KCTD8: variants seen among roughly 807,000 people sequenced by gnomAD.
KCTD8 encodes BTB/POZ domain-containing protein KCTD8.
Under a neutral mutation model 31.5 loss-of-function variants are expected in KCTD8, and 27 were observed. The ratio of observed to expected loss-of-function variants is 0.86; its 90% CI spans 0.63 to 1.18. The LOEUF is 1.18. Ranked by LOEUF, KCTD8 falls within the 50% of genes most tolerant of loss-of-function variation. The pLI is 0.00. For missense variants in KCTD8, 658 were observed against 647.7 expected (o/e 1.02, Z -0.17); for synonymous variants, 290 against 280.0 (o/e 1.04, Z -0.36).
chr4:44,224,742 T>C (rs1414156810), intron 1 of KCTD8, among the ~76,000 whole-genome samples: 1 of 152,176 alleles, frequency 6.6e-6, no homozygotes, highest in Non-Finnish European at 1.5e-5. Context: ...CACATAATAG[T>C]TCATTGCAGC....
At chr4:44,274,737 T>C (rs920680290) in intron 1 of KCTD8, among the ~76,000 whole-genome samples, 1 of 151,858 alleles carries the variant, frequency 6.6e-6, no homozygotes, top group Admixed American at 6.6e-5. Context: ...ATACATTTTA[T>C]CATCTTTCTA....
chr4:44,185,271 A>G (rs1713550325), intron 1 of KCTD8, among the ~76,000 whole-genome samples: 1 of 118,784 alleles, frequency 8.4e-6, no homozygotes, highest in Non-Finnish European at 1.9e-5. Flanking sequence ...TGTTGAATCT[A>G]TCTATTCATC....
rs200535947 is a variant in KCTD8, at chr4:44,174,628, GAAC to G, written c.*159_*161del. ...TCCTTTTTAATCATGTTTCTAAAAA[GAAC>G]AACAACTAAAACATAAAAGAAAATA... On this transcript the variant is annotated 3_prime_UTR_variant, in exon 2 of 2. Transcript: ENST00000360029. 350 of 503,904 alleles carry G rather than the reference GAAC, an allele frequency of 6.9e-4. 2 individuals are homozygous for G. In the East Asian group the frequency reaches 9.6e-3, roughly 14 times the overall value. The allele number at this position is 503,904 out of a possible 1,614,324, so 31.2% of individuals were successfully genotyped here.
chr4:44,331,021 T>A (rs1428710574), intron 1 of KCTD8, among the ~76,000 whole-genome samples: 1 of 151,772 alleles, frequency 6.6e-6, no homozygotes, highest in Admixed American at 6.6e-5. Flanking sequence ...ACAGGAAAAA[T>A]TTCACTTTTG....
intron 1 of KCTD8, among the ~76,000 whole-genome samples, chr4:44,331,310 G>C (rs1718585603): frequency 6.6e-6 from 1 of 151,710 alleles, no homozygotes; most frequent in Non-Finnish European, 1.5e-5. Flanking sequence ...ATTAATCACA[G>C]GCAGGCATAC....
intron 1 of KCTD8, among the ~76,000 whole-genome samples, chr4:44,190,769 T>C (rs1254484508): frequency 1.3e-5 from 2 of 152,186 alleles, no homozygotes; most frequent in East Asian, 3.9e-4. Flanking sequence ...GAATGAGAGC[T>C]GAAAGGGAAT....
At chr4:44,225,797 G>A (rs1489662416) in intron 1 of KCTD8, among the ~76,000 whole-genome samples, 2 of 146,186 alleles carry the variant, frequency 1.4e-5, no homozygotes, top group Admixed American at 6.9e-5. Context: ...CTATCAACCC[G>A]TCACCTAGGT....
intron 1 of KCTD8, among the ~76,000 whole-genome samples, chr4:44,377,915 C>G (rs991089603): frequency 8.5e-5 from 13 of 152,198 alleles, no homozygotes; most frequent in Admixed American, 8.5e-4. Context: ...CCTTTCCTAT[C>G]TTCCTAGTGA....
intron 1 of KCTD8, among the ~76,000 whole-genome samples, chr4:44,389,949 G>C (rs996653818): frequency 7.3e-5 from 11 of 151,694 alleles, no homozygotes; most frequent in Non-Finnish European, 1.3e-4. Context: ...AGAATTGTCT[G>C]TTCATGTCCT....
intron 1 of KCTD8, among the ~76,000 whole-genome samples, chr4:44,268,220 G>A (rs1325007363): frequency 6.7e-6 from 1 of 150,062 alleles, no homozygotes; most frequent in Non-Finnish European, 1.5e-5. Context: ...TCATCCCTGG[G>A]ATGCAAGGCT....
At chr4:44,384,020 A>C (rs1445089957) in intron 1 of KCTD8, among the ~76,000 whole-genome samples, 1 of 152,032 alleles carries the variant, frequency 6.6e-6, no homozygotes, top group Non-Finnish European at 1.5e-5. Flanking sequence ...GAGATTTCTC[A>C]AAAGAAGCCA....
At chr4:44,218,548 A>T (rs1714717867) in intron 1 of KCTD8, among the ~76,000 whole-genome samples, 1 of 150,328 alleles carries the variant, frequency 6.7e-6, no homozygotes, top group Non-Finnish European at 1.5e-5. Context: ...GTATCAAAAC[A>T]TCTCATGTAA....
At chr4:44,432,945 T>C (rs549252686) in intron 1 of KCTD8, among the ~76,000 whole-genome samples, 1 of 151,794 alleles carries the variant, frequency 6.6e-6, no homozygotes, top group South Asian at 2.1e-4. Flanking sequence ...CACTCTTCTC[T>C]TCTGTTACTT....
At chr4:44,228,336 G>A (rs144754202) in intron 1 of KCTD8, among the ~76,000 whole-genome samples, 14 of 152,148 alleles carry the variant, frequency 9.2e-5, no homozygotes, top group African/African-American at 1.7e-4. Context: ...TTATTAGGAC[G>A]TAAGTCATAT....
intron 1 of KCTD8, among the ~76,000 whole-genome samples, chr4:44,223,616 C>A (rs1714868762): frequency 1.3e-5 from 2 of 152,166 alleles, no homozygotes; most frequent in African/African-American, 4.8e-5. Flanking sequence ...TCACAGAGTT[C>A]CTAGTCTAGT....
chr4:44,192,255 G>A (rs944182501), intron 1 of KCTD8, among the ~76,000 whole-genome samples: 4 of 152,106 alleles, frequency 2.6e-5, no homozygotes, highest in African/African-American at 9.7e-5. Flanking sequence ...GTGTATTTAT[G>A]AGCAAATTAT....
intron 1 of KCTD8, among the ~76,000 whole-genome samples, chr4:44,243,737 A>G (rs1370483703): frequency 1.3e-5 from 2 of 152,252 alleles, no homozygotes; most frequent in African/African-American, 4.8e-5. Flanking sequence ...GTCTAGTTCC[A>G]AAGCCAGACA....
intron 1 of KCTD8, among the ~76,000 whole-genome samples, chr4:44,403,983 G>A (rs1720726995): frequency 6.6e-6 from 1 of 151,648 alleles, no homozygotes; most frequent in Non-Finnish European, 1.5e-5. Flanking sequence ...TACTTAATTT[G>A]GTATTGATAG....
At chr4:44,219,947 T>C (rs922355165) in intron 1 of KCTD8, among the ~76,000 whole-genome samples, 7 of 152,214 alleles carry the variant, frequency 4.6e-5, no homozygotes, top group African/African-American at 1.2e-4. Flanking sequence ...AATTTATGAA[T>C]ATAAAAATGT....
Sources: allele counts gnomAD v4.1 joint callset (sites outside exome capture counted in the v4.1 genomes callset), GRCh38; gene constraint gnomAD v4.1.1; transcripts MANE v1.5; gene names NCBI Gene and HGNC (gene_info 2026-07-23, HGNC 2026-07-21).